Variants in NELL2 observed in about 807,000 individuals in gnomAD.
NELL2 encodes protein kinase C-binding protein NELL2.
NELL2 carries 41 observed loss-of-function variants against 109.6 expected under a neutral mutation model. That is an observed-to-expected ratio of 0.37 (90% CI 0.29 to 0.49). The LOEUF is 0.49. NELL2 is among the 20% of genes least tolerant of loss of function. The pLI, the probability that NELL2 is intolerant of heterozygous loss-of-function variation, is 0.98. For synonymous variants in NELL2, 355 were observed against 344.7 expected (o/e 1.03, Z -0.33); for missense variants, 900 against 1,008.3 (o/e 0.89, Z 1.45).
chr12:44,719,157 T>C (rs1566233042), intron 9 of NELL2, among the ~76,000 whole-genome samples: 2 of 152,118 alleles, frequency 1.3e-5, no homozygotes, highest in African/African-American at 4.8e-5. Context: ...TAACAGCAAA[T>C]AGGAGCCAAG....
intron 11 of NELL2, among the ~76,000 whole-genome samples, chr12:44,707,569 A>G (rs1937955086): frequency 6.6e-6 from 1 of 152,120 alleles, no homozygotes; most frequent in Non-Finnish European, 1.5e-5. Flanking sequence ...CTTGTACATG[A>G]AAGAATATTA....
rs143355649 is a variant in NELL2 at position 44,834,888 on chromosome 12, C to T, written c.185-18752G>A. ...GGCTGGACACGCGGGCAGTCCTTGT[C>T]GTGTTGCCAGGAGAAGGCTTTCTGT... On this transcript the variant is annotated intron_variant, in intron 2 of 19. Transcript: ENST00000429094. 6.0e-4 allele frequency among the ~76,000 whole-genome samples: 91 copies of T among 152,036 alleles called. No homozygotes were observed. The East Asian group carries it at 0.017, about 29-fold the overall frequency.
chr12:44,721,898 A>G (rs1239728927), intron 9 of NELL2, among the ~76,000 whole-genome samples: 1 of 152,072 alleles, frequency 6.6e-6, no homozygotes, highest in Non-Finnish European at 1.5e-5. Flanking sequence ...CATGACAGCT[A>G]TATTAATAAC....
chr12:44,589,529 A>C (rs1363259938), intron 15 of NELL2, among the ~76,000 whole-genome samples: 1 of 152,030 alleles, frequency 6.6e-6, no homozygotes, highest in Non-Finnish European at 1.5e-5. Context: ...GACTACAGGC[A>C]CGTACCACCT....
chr12:44,875,714 C>T (rs976208312), intron 1 of NELL2, 101 bp downstream of exon 1: 49 of 1,608,890 alleles, frequency 3.0e-5, no homozygotes, highest in Middle Eastern at 2.1e-4. Flanking sequence ...CCACTCCAGA[C>T]CTACTTTGGG....
intron 12 of NELL2, among the ~76,000 whole-genome samples, chr12:44,685,692 T>A (rs1268299481): frequency 6.6e-6 from 1 of 152,178 alleles, no homozygotes; most frequent in Non-Finnish European, 1.5e-5. Context: ...TTTTGCTGGA[T>A]ATGAAATTCT....
chr12:44,570,139 A>G (rs1196795098), intron 15 of NELL2, among the ~76,000 whole-genome samples: 1 of 152,220 alleles, frequency 6.6e-6, no homozygotes, highest in Non-Finnish European at 1.5e-5. Context: ...TGAGAATGTA[A>G]TACGGAATTA....
intron 9 of NELL2, among the ~76,000 whole-genome samples, chr12:44,755,338 C>G (rs541254519): frequency 6.6e-6 from 1 of 152,216 alleles, no homozygotes; most frequent in South Asian, 2.1e-4. Flanking sequence ...CTTTCAGGTT[C>G]CCGTCATTAA....
chr12:44,572,387 CT>C (rs1226076896), intron 15 of NELL2, among the ~76,000 whole-genome samples: 4 of 152,096 alleles, frequency 2.6e-5, no homozygotes, highest in African/African-American at 9.7e-5. Context: ...TGGGCTCAAG[CT>C]TTCCTCCCAC....
chr12:44,885,636 C>T, intron 1 of NELL2, among the ~76,000 whole-genome samples: 1 of 151,618 alleles, frequency 6.6e-6, no homozygotes, highest in East Asian at 1.9e-4. Context: ...TAAAAAATAC[C>T]TAAGTGGATA....
At chr12:44,750,220 A>ATCTAACAACACAATTTTAAAGT in intron 9 of NELL2, among the ~76,000 whole-genome samples, 1 of 152,284 alleles carries the variant, frequency 6.6e-6, no homozygotes, top group Non-Finnish European at 1.5e-5. Context: ...TTAAAGATCA[A>ATCTAACAACACAATTTTAAAGT]ATGAAAAGGG....
intron 13 of NELL2, among the ~76,000 whole-genome samples, chr12:44,624,546 T>TCCCA (rs1287145928): frequency 6.6e-6 from 1 of 151,978 alleles, no homozygotes; most frequent in Non-Finnish European, 1.5e-5. Flanking sequence ...GGCAAATAGG[T>TCCCA]GTTATTTAAA....
chr12:44,511,569 A>G (rs984894802), intron 19 of NELL2, among the ~76,000 whole-genome samples: 2 of 152,150 alleles, frequency 1.3e-5, no homozygotes, highest in Non-Finnish European at 2.9e-5. Flanking sequence ...ATTGAGGGGG[A>G]AATATCTATA....
chr12:44,546,834 G>A (rs1317632213), intron 15 of NELL2, among the ~76,000 whole-genome samples: 1 of 152,020 alleles, frequency 6.6e-6, no homozygotes, highest in South Asian at 2.1e-4. Flanking sequence ...GTGTACTTGA[G>A]TAATGTATCT....
intron 16 of NELL2, among the ~76,000 whole-genome samples, chr12:44,530,533 C>G (rs1942000285): frequency 1.3e-5 from 2 of 152,152 alleles, no homozygotes; most frequent in Admixed American, 1.3e-4. Flanking sequence ...ATCCCCTTCC[C>G]TTGAATGTGG....
intron 9 of NELL2, among the ~76,000 whole-genome samples, chr12:44,718,257 G>C (rs924360082): frequency 6.6e-6 from 1 of 152,130 alleles, no homozygotes; most frequent in African/African-American, 2.4e-5. Context: ...CAGGTATCAG[G>C]TGCAAATTCT....
At chr12:44,680,262 T>C (rs1298697195) in intron 12 of NELL2, among the ~76,000 whole-genome samples, 4 of 152,152 alleles carry the variant, frequency 2.6e-5, no homozygotes, top group African/African-American at 9.7e-5. Flanking sequence ...AATCACTGAC[T>C]GGATTGCATT....
At chr12:44,793,832 T>C (rs1348066901) in intron 3 of NELL2, among the ~76,000 whole-genome samples, 3 of 152,210 alleles carry the variant, frequency 2.0e-5, no homozygotes, top group African/African-American at 7.2e-5. Flanking sequence ...TCTGATATTT[T>C]TGAAACAGAA....
chr12:44,790,507 C>T (rs185732605), intron 3 of NELL2, among the ~76,000 whole-genome samples: 244 of 151,966 alleles, frequency 1.6e-3, no homozygotes, highest in Non-Finnish European at 2.6e-3. Flanking sequence ...ACTGGAAACA[C>T]ATCAAAACAG....
Sources: allele counts gnomAD v4.1 joint callset (sites outside exome capture counted in the v4.1 genomes callset), GRCh38; gene constraint gnomAD v4.1.1; transcripts MANE v1.5; gene names NCBI Gene and HGNC (gene_info 2026-07-23, HGNC 2026-07-21).